DEFB127: variants seen among roughly 807,000 people sequenced by gnomAD.
DEFB127 encodes the protein beta-defensin 127.
A neutral mutation model predicts 2.4 loss-of-function variants in DEFB127; 2 were observed. That is an observed-to-expected ratio of 0.82 (90% CI 0.34 to 2.58). DEFB127 has a LOEUF of 2.58. DEFB127 is among the 30% of genes most tolerant of loss of function. The probability of loss-of-function intolerance (pLI) is 0.11; values close to 1 mark genes in which losing one functional copy is unlikely to be tolerated. For synonymous variants in DEFB127, 37 were observed against 39.8 expected (o/e 0.93, Z 0.26); for missense variants, 110 against 113.2 (o/e 0.97, Z 0.13).
At chr20:158,601 A>G (rs767851346) in intron 1 of DEFB127, among the ~76,000 whole-genome samples, 173 bp from the exon 2 acceptor site, 1 of 152,174 alleles carries the variant, frequency 6.6e-6, no homozygotes, top group Non-Finnish European at 1.5e-5. Context: ...GATCCAGTTA[A>G]ATACAAACAC....
chr20:158,467 A>G (rs2054711826), intron 1 of DEFB127, among the ~76,000 whole-genome samples: 1 of 152,174 alleles, frequency 6.6e-6, no homozygotes, highest in South Asian at 2.1e-4. Context: ...TATGTAGAGC[A>G]TAGTTCCATA....
Position 157,460 on chromosome 20 carries a change from G to C in DEFB127, c.-85G>C. ...CCATCTGTTCTGGTTCAGTGCATAA[G>C]AATCTAAGTCTCTGAGGAAGGTAGC... is the stretch of plus-strand genomic sequence containing the variant. On this transcript the variant is annotated 5_prime_UTR_variant, in exon 1 of 2. Coordinates refer to ENST00000382388, the MANE Select transcript of DEFB127 (RefSeq NM_139074.4). 1 of 1,446,312 alleles carries C rather than the reference G, an allele frequency of 6.9e-7. No individual in the cohort carries two copies. The highest frequency in any genetic ancestry group is 1.2e-5 in the South Asian group (1 of 86,828). 89.6% of individuals were successfully genotyped at this position (1,446,312 alleles called of 1,614,324 possible).
In DEFB127 at chr20:159,110, T is replaced by C; in HGVS notation, c.*86T>C. ...GATATACATCTTCTTCCTTTTGGTT[T>C]CTTGATCCTTAAAATGACCTTCGAG... On this transcript the variant is annotated 3_prime_UTR_variant, in exon 2 of 2. Transcript: ENST00000382388. 2 of 1,399,118 alleles carry C rather than the reference T, an allele frequency of 1.4e-6. No homozygotes were observed. Among genetic ancestry groups the C allele is most frequent in the Non-Finnish European group, 1.9e-6 (2 of 1,039,994 alleles). The allele number at this position is 1,399,118 out of a possible 1,614,324, so 86.7% of individuals were successfully genotyped here.
Position 159,003 on chromosome 20 carries a change from C to A in DEFB127, c.279C>A (p.Ser93Arg). The change falls in exon 2 of 2, where the codon AGC becomes AGA. Residue 93 changes from serine to arginine, a missense_variant. Transcript: ENST00000382388. ...TTACAATAATAGAAAATTTCCCAAGCCTGAAGACACAGTCTACATAAATCA... is the reference window on the plus strand; with the variant it reads ...TTACAATAATAGAAAATTTCCCAAGACTGAAGACACAGTCTACATAAATCA... ...DYVTIIENFP[S>R]LKTQST 6.2e-7 allele frequency: 1 copy of A among 1,610,232 alleles called. No homozygotes were observed. The highest frequency in any genetic ancestry group is 1.3e-5 in the African/African-American group (1 of 74,776).
rs764934546 is a variant in DEFB127, at chr20:159,027, C to T, written c.*3C>T. 6.9e-6 allele frequency: 11 copies of T among 1,593,670 alleles called. No individual in the cohort carries two copies. Among genetic ancestry groups the T allele is most frequent in the Non-Finnish European group, 8.5e-6 (10 of 1,171,834 alleles). ...GCCTGAAGACACAGTCTACATAAAT[C>T]AAATACAATTTCGTTTTCACTTGCT... On this transcript the variant is annotated 3_prime_UTR_variant, in exon 2 of 2. Transcript: ENST00000382388.
chr20:158,681 C>T (rs2054712713), intron 1 of DEFB127, 93 bp from the exon 2 acceptor site: 2 of 1,334,752 alleles, frequency 1.5e-6, no homozygotes, highest in African/African-American at 1.5e-5. Flanking sequence ...CCCCATACCC[C>T]TAATTCCTAC....
In DEFB127 at chr20:158,902, C is replaced by G; in HGVS notation, c.178C>G (p.Leu60Val). The G allele has an allele frequency of 5.6e-6, 9 of 1,613,772 alleles. No homozygotes were observed. Among genetic ancestry groups the G allele is most frequent in the Non-Finnish European group, 7.6e-6 (9 of 1,179,816 alleles). ...GRYCCLNIKELEACKKITKPP... is the reference protein window; with the variant it reads ...GRYCCLNIKEVEACKKITKPP... ...ATACTGTTGCCTCAATATCAAGGAA[C>G]TGGAAGCATGTAAAAAAATTACAAA... The change falls in exon 2 of 2, where the codon CTG becomes GTG. Residue 60 changes from leucine (L) to valine (V), a missense_variant. Coordinates refer to ENST00000382388, the MANE Select transcript of DEFB127 (RefSeq NM_139074.4).
At position 158,895 on chromosome 20, in the gene DEFB127, C is replaced by T. The variant is rs781609881; in HGVS notation, c.171C>T (p.Ile57=). The T allele has an allele frequency of 3.7e-6, 6 of 1,613,774 alleles. No homozygotes were observed. The highest frequency in any genetic ancestry group is 5.1e-6 in the Non-Finnish European group (6 of 1,179,806). Residue 57 remains isoleucine (I), a synonymous_variant, in exon 2 of 2, where the codon ATC becomes ATT. Coordinates refer to ENST00000382388, the MANE Select transcript of DEFB127 (RefSeq NM_139074.4). The part of the protein sequence containing the change: ...CENGRYCCLN[I]KELEACKKIT... ...ATGGGAGATACTGTTGCCTCAATAT[C>T]AAGGAACTGGAAGCATGTAAAAAAA...
At chr20:158,190 C>T (rs2054710746) in intron 1 of DEFB127, among the ~76,000 whole-genome samples, 1 of 152,080 alleles carries the variant, frequency 6.6e-6, no homozygotes, top group Non-Finnish European at 1.5e-5. Context: ...TCTTTCAAAA[C>T]CAGATTTCTT....
chr20:157,657 G>A (rs2054707930), intron 1 of DEFB127, 64 bp downstream of exon 1: 36 of 1,577,594 alleles, frequency 2.3e-5, no homozygotes, highest in Non-Finnish European at 3.0e-5. Context: ...GAGCCAAAGG[G>A]AACTTCATAA....
rs372716861 is a variant in DEFB127, at chr20:157,583, G to A, written c.39G>A (p.Gln13=). Residue 13 remains glutamine, a synonymous_variant, in exon 1 of 2, where the codon CAG becomes CAA. Transcript: ENST00000382388. ...TGATCATTGCAATTCTGCTGTTCCA[G>A]AAACCCACAGGTAAACCAAACCAGA... ...LFMIIAILLF[Q]KPTVTEQLKK... 4.3e-6 allele frequency: 7 copies of A among 1,613,790 alleles called. No individual in the cohort carries two copies. In the African/African-American group the frequency reaches 9.3e-5, roughly 22 times the overall value.
At chr20:158,028 G>C (rs1002010518) in intron 1 of DEFB127, among the ~76,000 whole-genome samples, 8 of 151,828 alleles carry the variant, frequency 5.3e-5, no homozygotes, top group African/African-American at 1.9e-4. Flanking sequence ...ATATCTACTA[G>C]TTTGTCAACT....
Position 157,489 on chromosome 20 carries a change from G to T in DEFB127, c.-56G>T. On this transcript the variant is annotated 5_prime_UTR_variant, in exon 1 of 2. Transcript: ENST00000382388. Reference sequence around the variant, plus strand: ...CTAAGTCTCTGAGGAAGGTAGCATAGTGTGCAGTTCACTGGACCAAAAGCT... The same window carrying T: ...CTAAGTCTCTGAGGAAGGTAGCATATTGTGCAGTTCACTGGACCAAAAGCT... 1.3e-6 allele frequency: 2 copies of T among 1,581,822 alleles called. No individual in the cohort carries two copies. The highest frequency in any genetic ancestry group is 1.7e-6 in the Non-Finnish European group (2 of 1,150,822).
rs753476120 is a variant in DEFB127, at chr20:158,862, A to G, written c.138A>G (p.Leu46=). The G allele has an allele frequency of 3.7e-6, 6 of 1,613,810 alleles. No individual in the cohort carries two copies. Among genetic ancestry groups the G allele is most frequent in the Non-Finnish European group, 4.2e-6 (5 of 1,179,802 alleles). ...GAGTAAATGAAGTGCCTGAGGCACT[A>G]TGTGAAAATGGGAGATACTGTTGCC... is the stretch of plus-strand genomic sequence containing the variant. ...ICRVNEVPEA[L]CENGRYCCLN... is the part of the protein sequence containing the mutation. The change falls in exon 2 of 2, where the codon CTA becomes CTG. Residue 46 remains leucine (L), a synonymous_variant. Transcript: ENST00000382388.
intron 1 of DEFB127, among the ~76,000 whole-genome samples, chr20:158,332 G>A (rs2054711273): frequency 6.6e-6 from 1 of 152,072 alleles, no homozygotes; most frequent in African/African-American, 2.4e-5. Context: ...TTGAACTCAG[G>A]AGAACAGTTT....
intron 1 of DEFB127, among the ~76,000 whole-genome samples, chr20:157,898 C>T (rs2054708894): frequency 6.6e-6 from 1 of 151,082 alleles, no homozygotes; most frequent in Admixed American, 6.7e-5. Flanking sequence ...TACTCTGATG[C>T]TCAGCTATAT....
chr20:158,935 C>A lies in DEFB127; in HGVS notation c.211C>A (p.Arg71Ser), dbSNP rs16995685. The change falls in exon 2 of 2, where the codon CGT (arginine) becomes AGT (serine). Residue 71 changes from arginine (R) to serine (S), a missense_variant. Coordinates refer to ENST00000382388, the MANE Select transcript of DEFB127 (RefSeq NM_139074.4). ...EACKKITKPPRPKPATLALTL... is the reference protein window; with the variant it reads ...EACKKITKPPSPKPATLALTL... ...ATGTAAAAAAATTACAAAGCCACCT[C>A]GTCCAAAGCCAGCAACACTTGCACT... 0.35 allele frequency: 568,223 copies of A among 1,613,014 alleles called. 104,850 individuals carry two copies. Among genetic ancestry groups the A allele is most frequent in the East Asian group, 0.5 (22,256 of 44,838 alleles).
intron 1 of DEFB127, 61 bp downstream of exon 1, chr20:157,654 A>G: frequency 6.3e-7 from 1 of 1,582,960 alleles, no homozygotes; most frequent in Non-Finnish European, 8.7e-7. Flanking sequence ...CAGGAGCCAA[A>G]GGGAACTTCA....
At chr20:158,409 G>A (rs745538333) in intron 1 of DEFB127, among the ~76,000 whole-genome samples, 2 of 152,178 alleles carry the variant, frequency 1.3e-5, no homozygotes, top group Non-Finnish European at 1.5e-5. Flanking sequence ...GCAGTAGAAG[G>A]TAGTGCTCTG....
Sources: allele counts gnomAD v4.1 joint callset (sites outside exome capture counted in the v4.1 genomes callset), GRCh38; gene constraint gnomAD v4.1.1; transcripts MANE v1.5; gene names NCBI Gene and HGNC (gene_info 2026-07-23, HGNC 2026-07-21).